The following NME7 variants were observed in gnomAD, a reference collection of about 807,000 sequenced individuals.
NME7 encodes NME/NM23 family member 7.
NME7 carries 41 observed loss-of-function variants against 49.1 expected under a neutral mutation model. The observed-to-expected ratio is 0.83, with a 90% CI of 0.65 to 1.08. NME7 has a LOEUF of 1.08. Among genes scored for constraint, NME7 ranks in the 50% least tolerant of loss-of-function variants. NME7 has a pLI of 0.00. For synonymous variants in NME7, 139 were observed against 150.6 expected (o/e 0.92, Z 0.56); for missense variants, 423 against 463.4 (o/e 0.91, Z 0.80).
chr1:169,174,585 A>C (rs1030132888), intron 10 of NME7, among the ~76,000 whole-genome samples: 3 of 152,224 alleles, frequency 2.0e-5, no homozygotes, highest in African/African-American at 7.2e-5. Context: ...TACTTACACA[A>C]ACCTAGATGA....
At chr1:169,248,000 G>C (rs1571323706) in intron 7 of NME7, among the ~76,000 whole-genome samples, 1 of 152,154 alleles carries the variant, frequency 6.6e-6, no homozygotes, top group Non-Finnish European at 1.5e-5. Flanking sequence ...TAGATACTGA[G>C]TAGTGGGATT....
chr1:169,233,180 A>G (rs1206585800), intron 9 of NME7, among the ~76,000 whole-genome samples: 1 of 151,780 alleles, frequency 6.6e-6, no homozygotes, highest in African/African-American at 2.4e-5. Flanking sequence ...ATGTATGAGA[A>G]CAACAGCACA....
At chr1:169,311,839 G>A (rs529073089) in intron 3 of NME7, among the ~76,000 whole-genome samples, 1 of 152,268 alleles carries the variant, frequency 6.6e-6, no homozygotes, top group Admixed American at 6.5e-5. Flanking sequence ...TCTCTTAAAT[G>A]CCTACAAGAG....
At chr1:169,245,520 C>A (rs1007668817) in intron 7 of NME7, among the ~76,000 whole-genome samples, 10 of 152,142 alleles carry the variant, frequency 6.6e-5, no homozygotes, top group African/African-American at 2.4e-4. Flanking sequence ...ACAAGGAAAT[C>A]TTGCAGTTTA....
chr1:169,230,117 A>G (rs1647536763), intron 10 of NME7, among the ~76,000 whole-genome samples: 1 of 152,142 alleles, frequency 6.6e-6, no homozygotes, highest in South Asian at 2.1e-4. Context: ...TACTTCCCAT[A>G]ATCCTATCAA....
intron 5 of NME7, 90 bp downstream of exon 5, chr1:169,303,055 T>C (rs1651009053): frequency 4.9e-6 from 4 of 812,174 alleles, no homozygotes; most frequent in Non-Finnish European, 8.2e-6. Flanking sequence ...TGACAGATTA[T>C]TCTCAAGTAA....
intron 11 of NME7, among the ~76,000 whole-genome samples, chr1:169,133,545 C>T (rs1429511561): frequency 2.6e-5 from 4 of 152,180 alleles, no homozygotes; most frequent in Admixed American, 6.6e-5. Context: ...ATCTATTTCT[C>T]GTTTTGCTAT....
At chr1:169,180,329 A>G (rs1178219656) in intron 10 of NME7, among the ~76,000 whole-genome samples, 1 of 152,216 alleles carries the variant, frequency 6.6e-6, no homozygotes, top group Non-Finnish European at 1.5e-5. Context: ...AAAAGCATGT[A>G]CTATTTCACA....
chr1:169,195,069 AT>A (rs34332810), intron 10 of NME7, among the ~76,000 whole-genome samples: 54,104 of 152,032 alleles, frequency 0.36, 10,403 homozygotes, highest in East Asian at 0.73. Context: ...CATTCAAAAC[AT>A]GTTTTTTGCA....
At chr1:169,232,127 A>G (rs1301085539) in intron 9 of NME7, among the ~76,000 whole-genome samples, 3 of 152,242 alleles carry the variant, frequency 2.0e-5, no homozygotes, top group African/African-American at 7.2e-5. Flanking sequence ...AATAAAAAAT[A>G]TTTAAAAGAT....
chr1:169,157,097 CTTT>C (rs1464012729), intron 11 of NME7, among the ~76,000 whole-genome samples: 1 of 152,112 alleles, frequency 6.6e-6, no homozygotes, highest in Non-Finnish European at 1.5e-5. Flanking sequence ...CTGCAGTGGA[CTTT>C]TCTGGCAACT....
Position 169,303,328 on chromosome 1 carries a change from C to T in NME7, c.390-133G>A, listed in dbSNP as rs533974805. The T allele has an allele frequency of 3.0e-4, 119 of 401,300 alleles. 1 individual carries two copies. Among genetic ancestry groups the T allele is most frequent in the African/African-American group, 2.3e-3 (109 of 47,596 alleles). 24.9% of individuals were successfully genotyped at this position (401,300 alleles called of 1,614,324 possible). A position where few individuals can be genotyped will look rare whatever the true frequency, so the allele number is the denominator to read the frequency against. ...TTATATTTTAATTAATAATTTTTCA[C>T]CAAATATTCTGTCAAAGCCACTCTT... On this transcript the variant is annotated intron_variant, in intron 4 of 11. Coordinates refer to ENST00000367811, the MANE Select transcript of NME7 (RefSeq NM_013330.5).
At chr1:169,168,943 C>CA (rs1193499237) in intron 11 of NME7, 88 of 452,140 alleles carry the variant, frequency 1.9e-4, no homozygotes, top group Non-Finnish European at 1.0e-4. Flanking sequence ...CAGCACAGTT[C>CA]AAACATTGTT....
chr1:169,341,138 G>C (rs1652679585), intron 1 of NME7, among the ~76,000 whole-genome samples: 1 of 152,218 alleles, frequency 6.6e-6, no homozygotes, highest in Admixed American at 6.5e-5. Flanking sequence ...GGAAGGCTAG[G>C]AGAGAAAAAT....
chr1:169,221,250 T>C (rs2101806424), intron 10 of NME7, among the ~76,000 whole-genome samples: 1 of 152,362 alleles, frequency 6.6e-6, no homozygotes, highest in East Asian at 1.9e-4. Flanking sequence ...CTCTTGTCTT[T>C]AGACTATTCT....
chr1:169,160,715 T>A (rs552736665), intron 11 of NME7, among the ~76,000 whole-genome samples: 1 of 152,330 alleles, frequency 6.6e-6, no homozygotes, highest in African/African-American at 2.4e-5. Context: ...ATTAAACTTA[T>A]GAAAAAACTT....
intron 10 of NME7, among the ~76,000 whole-genome samples, chr1:169,187,586 T>C (rs535891340): frequency 3.5e-4 from 54 of 152,298 alleles, no homozygotes; most frequent in African/African-American, 1.2e-3. Flanking sequence ...TTTTATTTTT[T>C]TCTTTCCATT....
chr1:169,167,840 G>T (rs1419824501), intron 11 of NME7, among the ~76,000 whole-genome samples: 5 of 152,126 alleles, frequency 3.3e-5, no homozygotes, highest in Non-Finnish European at 7.3e-5. Context: ...GTAGAATCTG[G>T]TTAATAAAGG....
At chr1:169,274,706 C>A (rs1649629198) in intron 7 of NME7, among the ~76,000 whole-genome samples, 1 of 133,682 alleles carries the variant, frequency 7.5e-6, no homozygotes, top group South Asian at 2.3e-4. Flanking sequence ...TTTCCCAGCA[C>A]CACTTATTAA....
Sources: gnomAD v4.1 joint callset for allele counts (sites outside exome capture counted in the v4.1 genomes callset) on GRCh38, gnomAD v4.1.1 for gene constraint, MANE v1.5 for transcripts, NCBI Gene and HGNC (gene_info 2026-07-23, HGNC 2026-07-21) for gene names.